Variants in MPPED2 observed in about 807,000 individuals in gnomAD.
The protein encoded by MPPED2 is metallophosphoesterase domain containing 2.
Under a neutral mutation model 33.0 loss-of-function variants are expected in MPPED2, and 5 were observed. The observed-to-expected ratio is 0.15, with a 90% CI of 0.08 to 0.32. The LOEUF is 0.32. Among genes scored for constraint, MPPED2 ranks in the 10% least tolerant of loss-of-function variants. The pLI is 1.00. For missense variants in MPPED2, 275 were observed against 372.1 expected, an observed-to-expected ratio of 0.74 and a Z score of 2.15; for synonymous variants, 136 against 141.9, an observed-to-expected ratio of 0.96 and a Z score of 0.29.
chr11:30,477,469 G>T (rs1014003165), intron 4 of MPPED2, among the ~76,000 whole-genome samples: 5 of 151,958 alleles, frequency 3.3e-5, no homozygotes, highest in Non-Finnish European at 5.9e-5. Context: ...CTATTAAAAT[G>T]GTCACATAGT....
intron 6 of MPPED2, among the ~76,000 whole-genome samples, chr11:30,395,294 C>T (rs993546262): frequency 6.6e-6 from 1 of 152,078 alleles, no homozygotes; most frequent in African/African-American, 2.4e-5. Context: ...TAGTATATTC[C>T]AGGTCAGTAC....
At chr11:30,480,539 A>C (rs1422397910) in intron 4 of MPPED2, among the ~76,000 whole-genome samples, 1 of 152,096 alleles carries the variant, frequency 6.6e-6, no homozygotes. Flanking sequence ...CCAATAAATC[A>C]AGCTGAAGCA....
intron 2 of MPPED2, among the ~76,000 whole-genome samples, chr11:30,542,552 C>G (rs542352503): frequency 6.6e-6 from 1 of 151,680 alleles, no homozygotes; most frequent in Non-Finnish European, 1.5e-5. Context: ...ATCACTTGAG[C>G]CCAGGAGGTC....
chr11:30,465,747 A>G (rs893430513), intron 4 of MPPED2, among the ~76,000 whole-genome samples: 1 of 152,238 alleles, frequency 6.6e-6, no homozygotes, highest in African/African-American at 2.4e-5. Flanking sequence ...ACAGGTTTGA[A>G]CTGTGTGGGT....
intron 2 of MPPED2, among the ~76,000 whole-genome samples, chr11:30,563,003 C>A (rs1176673161): frequency 6.6e-6 from 1 of 152,066 alleles, no homozygotes; most frequent in Non-Finnish European, 1.5e-5. Flanking sequence ...ATTTGTTCAT[C>A]AATAATTATT....
In MPPED2 at chr11:30,431,087, C is replaced by T. The variant is rs151018017; in HGVS notation, c.537-13454G>A. Among the ~76,000 whole-genome samples the T allele has an allele frequency of 4.6e-3, 702 of 152,212 alleles. 6 individuals are homozygous for T. The highest frequency in any genetic ancestry group is 0.016 in the African/African-American group (661 of 41,548). On this transcript the variant is annotated intron_variant, in intron 4 of 6. Coordinates refer to ENST00000358117, the MANE Select transcript of MPPED2 (RefSeq NM_001584.3). The stretch of plus-strand genomic sequence containing the variant: ...GTTTTCCGAAGCTAAGAAATGGCTG[C>T]GAAAAATGTGAAGAAAAACAGGAAA...
intron 3 of MPPED2, among the ~76,000 whole-genome samples, chr11:30,496,001 C>T (rs1952233309): frequency 6.6e-6 from 1 of 152,138 alleles, no homozygotes; most frequent in Non-Finnish European, 1.5e-5. Context: ...CCATAATTGA[C>T]ATACATTAAA....
At chr11:30,505,886 C>T (rs1952801624) in intron 3 of MPPED2, among the ~76,000 whole-genome samples, 1 of 152,008 alleles carries the variant, frequency 6.6e-6, no homozygotes, top group African/African-American at 2.4e-5. Flanking sequence ...ACTCCAAACA[C>T]ATAATTTTAG....
At chr11:30,452,160 C>A (rs1565081016) in intron 4 of MPPED2, 2 of 901,998 alleles carry the variant, frequency 2.2e-6, no homozygotes, top group Non-Finnish European at 2.7e-6. Flanking sequence ...CTGCCTAAGA[C>A]TAAACTCCAA....
At chr11:30,467,880 T>G (rs1590396105) in intron 4 of MPPED2, among the ~76,000 whole-genome samples, 1 of 152,038 alleles carries the variant, frequency 6.6e-6, no homozygotes, top group South Asian at 2.1e-4. Context: ...AGGGGGCTGG[T>G]TTTATTCAGA....
intron 3 of MPPED2, among the ~76,000 whole-genome samples, chr11:30,495,759 G>T (rs1322453971): frequency 1.3e-5 from 2 of 152,166 alleles, no homozygotes; most frequent in Admixed American, 6.5e-5. Context: ...AAGTTTTCTA[G>T]TTCCATTTCC....
At chr11:30,414,423 A>C in intron 5 of MPPED2, 82 bp from the exon 6 acceptor site, 4 of 888,496 alleles carry the variant, frequency 4.5e-6, no homozygotes, top group Non-Finnish European at 7.6e-6. Flanking sequence ...GCCATAACTC[A>C]CAGAAGGTTT....
intron 2 of MPPED2, among the ~76,000 whole-genome samples, chr11:30,551,195 A>G (rs1955693669): frequency 6.6e-6 from 1 of 152,206 alleles, no homozygotes; most frequent in Non-Finnish European, 1.5e-5. Context: ...AATCACTAAC[A>G]TCAATGAACA....
intron 3 of MPPED2, among the ~76,000 whole-genome samples, chr11:30,515,742 C>A (rs886609560): frequency 6.6e-6 from 1 of 152,158 alleles, no homozygotes; most frequent in South Asian, 2.1e-4. Context: ...TTCTTGACAA[C>A]CTTACTAATG....
chr11:30,512,772 G>A (rs56992196), intron 3 of MPPED2, among the ~76,000 whole-genome samples: 2,965 of 152,222 alleles, frequency 0.019, 37 homozygotes, highest in African/African-American at 0.038. Context: ...AGGTGGAGGC[G>A]GGCTGATCAC....
In MPPED2 at chr11:30,411,436, T is replaced by G; in HGVS notation, c.*32A>C. ...TTAGAAAAATGGCAGTTTATAGACCTTCCCTCACATTCCAATAGGGCATTT... is the reference window on the plus strand; with the variant it reads ...TTAGAAAAATGGCAGTTTATAGACCGTCCCTCACATTCCAATAGGGCATTT... On this transcript the variant is annotated 3_prime_UTR_variant, in exon 7 of 7. Transcript: ENST00000358117. 1 of 1,598,820 alleles carries G rather than the reference T, an allele frequency of 6.3e-7. No individual in the cohort carries two copies. The highest frequency in any genetic ancestry group is 8.5e-7 in the Non-Finnish European group (1 of 1,170,198).
chr11:30,397,934 T>C (rs1947859211), intron 6 of MPPED2, among the ~76,000 whole-genome samples: 1 of 152,176 alleles, frequency 6.6e-6, no homozygotes, highest in African/African-American at 2.4e-5. Context: ...CAGTCTATTA[T>C]GGGTCTTTAA....
At position 30,573,238 on chromosome 11, in the gene MPPED2, T is replaced by C. The variant is rs189813157; in HGVS notation, c.128+7008A>G. Among the ~76,000 whole-genome samples, 1,396 of 152,296 alleles carry C rather than the reference T, an allele frequency of 9.2e-3. 27 individuals are homozygous for C. The highest frequency in any genetic ancestry group is 0.05 in the Admixed American group (769 of 15,292). ...GACATTAGCTGTCATAATGTCATTG[T>C]GGTGTAACTTATTACTCATGTGTTT... On this transcript the variant is annotated intron_variant, in intron 2 of 6. Coordinates refer to ENST00000358117, the MANE Select transcript of MPPED2 (RefSeq NM_001584.3).
In MPPED2 at chr11:30,585,482, C is replaced by A. The variant is rs536467323; in HGVS notation, c.-122+560G>T. Among the ~76,000 whole-genome samples, 21 of 152,194 alleles carry A rather than the reference C, an allele frequency of 1.4e-4. No individual in the cohort carries two copies. The South Asian group carries it at 4.1e-3, about 30-fold the overall frequency. ...ACCTGGCCTCGGGCCGCCGCGGGAGCCCGGGGATCGGGCCAACACAATGCA... is the reference window on the plus strand; with the variant it reads ...ACCTGGCCTCGGGCCGCCGCGGGAGACCGGGGATCGGGCCAACACAATGCA... On this transcript the variant is annotated intron_variant, in intron 1 of 6. Transcript: ENST00000358117.
Sources: gnomAD v4.1 joint callset for allele counts (sites outside exome capture counted in the v4.1 genomes callset) on GRCh38, gnomAD v4.1.1 for gene constraint, MANE v1.5 for transcripts, NCBI Gene and HGNC (gene_info 2026-07-23, HGNC 2026-07-21) for gene names.